The following RBFOX1 variants were observed in gnomAD, a reference collection of about 807,000 sequenced individuals.
The protein encoded by RBFOX1 is RNA binding fox-1 homolog 1, also known as RNA binding protein fox-1 homolog 1.
RBFOX1 carries 8 observed loss-of-function variants against 57.7 expected under a neutral mutation model. The ratio of observed to expected loss-of-function variants is 0.14; its 90% CI spans 0.08 to 0.25. The LOEUF is 0.25. Ranked by LOEUF, RBFOX1 falls within the 10% of genes least tolerant of loss-of-function variation. The pLI, the probability that RBFOX1 is intolerant of heterozygous loss-of-function variation, is 1.00. For synonymous variants in RBFOX1, 326 were observed against 222.4 expected (o/e 1.47, Z -4.15); for missense variants, 611 against 548.5 (o/e 1.11, Z -1.14).
chr16:5,325,366 T>C (rs1936298474), intron 1 of RBFOX1, among the ~76,000 whole-genome samples: 1 of 152,216 alleles, frequency 6.6e-6, no homozygotes, highest in African/African-American at 2.4e-5. Flanking sequence ...CAAGATCCTA[T>C]TCCTGCACAG....
At chr16:6,438,074 G>T (rs923599163) in intron 2 of RBFOX1, among the ~76,000 whole-genome samples, 6 of 152,170 alleles carry the variant, frequency 3.9e-5, no homozygotes, top group Non-Finnish European at 8.8e-5. Flanking sequence ...CCTGGGTTAA[G>T]AGAGTTTGTA....
rs116214894 is a variant in RBFOX1, at chr16:5,274,809, G to T, written c.219+34704G>T. Reference sequence around the variant, plus strand: ...GATCTGTCTCTGGCAGAGCCAGCCAGGTCTCCTTACCCTCTGTTTCCCTTT... The same window carrying T: ...GATCTGTCTCTGGCAGAGCCAGCCATGTCTCCTTACCCTCTGTTTCCCTTT... On this transcript the variant is annotated intron_variant, in intron 1 of 2. Transcript: ENST00000585867. Among the ~76,000 whole-genome samples, 186 of 152,312 alleles carry T rather than the reference G, an allele frequency of 1.2e-3. 1 individual carries two copies. Among genetic ancestry groups the T allele is most frequent in the African/African-American group, 4.3e-3 (179 of 41,558 alleles).
intron 3 of RBFOX1, among the ~76,000 whole-genome samples, chr16:6,747,376 C>G (rs1183516373): frequency 1.3e-5 from 2 of 151,732 alleles, no homozygotes; most frequent in African/African-American, 4.8e-5. Context: ...CATTGCCCTC[C>G]AGACTGGGCG....
At chr16:6,791,703 G>C (rs1488604885) in intron 3 of RBFOX1, among the ~76,000 whole-genome samples, 3 of 152,170 alleles carry the variant, frequency 2.0e-5, no homozygotes, top group Non-Finnish European at 4.4e-5. Context: ...AGGTTGCAGT[G>C]AGCAGAGATC....
At chr16:5,719,644 A>G (rs1051273113) in intron 3 of RBFOX1, among the ~76,000 whole-genome samples, 4 of 152,176 alleles carry the variant, frequency 2.6e-5, no homozygotes, top group Admixed American at 6.5e-5. Context: ...GATATTTCAT[A>G]TAGAAGAAAT....
intron 9 of RBFOX1, among the ~76,000 whole-genome samples, chr16:7,605,472 G>C (rs371998663): frequency 5.3e-5 from 8 of 152,180 alleles, no homozygotes; most frequent in African/African-American, 1.7e-4. Context: ...AGATCATCCC[G>C]GGGGCTGTAA....
chr16:6,067,924 G>A (rs1666887427), intron 1 of RBFOX1, among the ~76,000 whole-genome samples: 1 of 152,152 alleles, frequency 6.6e-6, no homozygotes, highest in Non-Finnish European at 1.5e-5. Context: ...GATCATAAAT[G>A]CCAATAACTT....
At chr16:6,251,756 A>T (rs1182211367) in intron 1 of RBFOX1, among the ~76,000 whole-genome samples, 1 of 152,100 alleles carries the variant, frequency 6.6e-6, no homozygotes, top group East Asian at 1.9e-4. Context: ...CTTCCTCTTC[A>T]TGCTGCCCCT....
intron 2 of RBFOX1, among the ~76,000 whole-genome samples, chr16:5,519,177 C>G (rs2151740178): frequency 6.6e-6 from 1 of 152,306 alleles, no homozygotes; most frequent in South Asian, 2.1e-4. Flanking sequence ...TTAAGCCACC[C>G]AGGCTGTGAT....
intron 4 of RBFOX1, among the ~76,000 whole-genome samples, chr16:5,912,458 C>A (rs969423301): frequency 6.6e-6 from 1 of 152,196 alleles, no homozygotes; most frequent in African/African-American, 2.4e-5. Context: ...TCACGGCCAC[C>A]TGGCATCTCC....
At chr16:7,238,063 T>A (rs1215748304) in intron 4 of RBFOX1, among the ~76,000 whole-genome samples, 2 of 152,216 alleles carry the variant, frequency 1.3e-5, no homozygotes, top group Non-Finnish European at 2.9e-5. Context: ...AGGACATTAT[T>A]CTAAGTGAAA....
At chr16:6,833,413 T>A (rs1203029885) in intron 3 of RBFOX1, among the ~76,000 whole-genome samples, 1 of 152,144 alleles carries the variant, frequency 6.6e-6, no homozygotes, top group Non-Finnish European at 1.5e-5. Flanking sequence ...GTGATCAACC[T>A]GCCTCGGCTT....
At chr16:7,018,481 T>C (rs1004039198) in intron 3 of RBFOX1, among the ~76,000 whole-genome samples, 6 of 152,358 alleles carry the variant, frequency 3.9e-5, no homozygotes, top group African/African-American at 1.2e-4. Flanking sequence ...CTATCATTGA[T>C]GGACATTTGG....
chr16:6,543,646 C>G (rs978818982), intron 2 of RBFOX1, among the ~76,000 whole-genome samples: 2 of 152,026 alleles, frequency 1.3e-5, no homozygotes, highest in South Asian at 4.1e-4. Context: ...AGATTTTTGC[C>G]TGGTTGGAAA....
At chr16:5,876,505 G>A (rs1227802049) in intron 4 of RBFOX1, among the ~76,000 whole-genome samples, 1 of 152,170 alleles carries the variant, frequency 6.6e-6, no homozygotes, top group African/African-American at 2.4e-5. Context: ...CAAAGGCTCA[G>A]TCTTTTAAAC....
At chr16:7,289,446 C>G (rs2095716103) in intron 4 of RBFOX1, among the ~76,000 whole-genome samples, 1 of 152,158 alleles carries the variant, frequency 6.6e-6, no homozygotes, top group Non-Finnish European at 1.5e-5. Flanking sequence ...TCATTACCAT[C>G]ATCATCAGCA....
rs899209411 is a variant in RBFOX1, at chr16:6,813,449, C to T, written c.-16+158799C>T. The stretch of plus-strand genomic sequence containing the variant: ...TTCTCATGGCTCTAGTTTGGGGACC[C>T]CAGCTCCTTCTTAGGTTTTCTTCAG... On this transcript the variant is annotated intron_variant, in intron 3 of 15. Coordinates refer to ENST00000550418, the MANE Select transcript of RBFOX1 (RefSeq NM_018723.4). Among the ~76,000 whole-genome samples the T allele has an allele frequency of 1.3e-5, 2 of 152,050 alleles. 1 individual carries two copies. Among genetic ancestry groups the T allele is most frequent in the South Asian group, 4.2e-4 (2 of 4,818 alleles).
intron 3 of RBFOX1, among the ~76,000 whole-genome samples, chr16:6,985,845 A>AAAAC (rs1039264436): frequency 2.5e-5 from 3 of 122,088 alleles, no homozygotes; most frequent in Admixed American, 8.2e-5. Flanking sequence ...AAAAAAAAAA[A>AAAAC]AACAGAATTT....
At chr16:6,215,826 A>G (rs745983812) in intron 1 of RBFOX1, among the ~76,000 whole-genome samples, 1 of 152,138 alleles carries the variant, frequency 6.6e-6, no homozygotes, top group Non-Finnish European at 1.5e-5. Context: ...AAACATCCCA[A>G]TGGGTTGAAT....
Sources: allele counts gnomAD v4.1 joint callset (sites outside exome capture counted in the v4.1 genomes callset), GRCh38; gene constraint gnomAD v4.1.1; transcripts MANE v1.5; gene names NCBI Gene and HGNC (gene_info 2026-07-23, HGNC 2026-07-21).